SSC5D: variants seen among roughly 807,000 people sequenced by gnomAD.
SSC5D encodes soluble scavenger receptor cysteine-rich domain-containing protein SSC5D.
In SSC5D, 106 loss-of-function variants were observed where a neutral mutation model predicts 104.6. The observed-to-expected ratio is 1.01, with a 90% CI of 0.87 to 1.19. SSC5D has a LOEUF of 1.19. SSC5D is among the 50% of genes most tolerant of loss of function. The pLI is 0.00. For synonymous variants in SSC5D, 860 were observed against 883.5 expected (o/e 0.97, Z 0.47); for missense variants, 1,993 against 2,153.8 (o/e 0.93, Z 1.48).
chr19:55,504,429 C>A, intron 12 of SSC5D: 1 of 812,256 alleles, frequency 1.2e-6, no homozygotes. Flanking sequence ...GCATTCTTAG[C>A]TTCAGGAGCA....
rs776181504 is a variant in SSC5D at position 55,518,929 on chromosome 19, C to T, written c.4653C>T (p.Thr1551=). 1 of 1,550,378 alleles carries T rather than the reference C, an allele frequency of 6.5e-7. No homozygotes were observed. Among genetic ancestry groups the T allele is most frequent in the South Asian group, 1.2e-5 (1 of 84,066 alleles). ...AVKRLAEMAW[T]TSMPAPTTTT... is the part of the protein sequence containing the mutation. ...AGAGACTGGCAGAGATGGCCTGGAC[C>T]ACCAGCATGCCTGCACCAACCACCA... The change falls in exon 14 of 14, where the codon ACC becomes ACT. Residue 1551 remains threonine (T), a synonymous_variant. Transcript: ENST00000389623.
At chr19:55,499,199 G>A (rs1286004488) in intron 9 of SSC5D, among the ~76,000 whole-genome samples, 2 of 152,224 alleles carry the variant, frequency 1.3e-5, no homozygotes, top group African/African-American at 4.8e-5. Flanking sequence ...CAAAGGCTTC[G>A]AAGTCATCTC....
intron 8 of SSC5D, among the ~76,000 whole-genome samples, chr19:55,496,599 A>G (rs924180637): frequency 3.3e-5 from 5 of 152,192 alleles, no homozygotes; most frequent in African/African-American, 9.7e-5. Flanking sequence ...TGGTGTGGAT[A>G]CTGATAGGTC....
Position 55,497,554 on chromosome 19 carries a change from T to C in SSC5D, c.1388-326T>C, listed in dbSNP as rs543723020. On this transcript the variant is annotated intron_variant, in intron 8 of 13. Coordinates refer to ENST00000389623, the MANE Select transcript of SSC5D (RefSeq NM_001144950.2). ...AATGGTGCTGCTATGAACATTCACA[T>C]ACTGGTATCTGTGTGAATACCTGTT... Among the ~76,000 whole-genome samples the C allele has an allele frequency of 1.2e-4, 19 of 152,348 alleles. No individual in the cohort carries two copies. The South Asian group carries it at 3.7e-3, about 30-fold the overall frequency.
intron 8 of SSC5D, among the ~76,000 whole-genome samples, chr19:55,495,217 A>ATATATATATG (rs1491508453): frequency 7.8e-4 from 5 of 6,406 alleles, no homozygotes; most frequent in Admixed American, 3.7e-3. Context: ...GCCTCCTTTC[A>ATATATATATG]TATATATATA....
chr19:55,500,016 G>A lies in SSC5D; in HGVS notation c.1906G>A (p.Ala636Thr). 6.4e-7 allele frequency: 1 copy of A among 1,551,798 alleles called. No homozygotes were observed. The highest frequency in any genetic ancestry group is 8.7e-7 in the Non-Finnish European group (1 of 1,146,996). ...TACTAAGAAGTGGGTGACAAAAAAT[G>A]CAAAGAGACCAACCACTCAACCCCC... ...KSTKKWVTKN[A>T]KRPTTQPPVM... Residue 636 changes from alanine (A) to threonine (T), a missense_variant, in exon 10 of 14, where the codon GCA becomes ACA. Transcript: ENST00000389623. The surrounding 1 kb of genome is among the most constrained non-coding windows in gnomAD (Gnocchi z 4.6).
Position 55,489,461 on chromosome 19 carries a change from G to C in SSC5D, c.160G>C (p.Ala54Pro). 1.4e-6 allele frequency: 2 copies of C among 1,474,766 alleles called. No individual in the cohort carries two copies. The highest frequency in any genetic ancestry group is 1.8e-6 in the Non-Finnish European group (2 of 1,121,298). The allele number at this position is 1,474,766 out of a possible 1,614,324, so 91.4% of individuals were successfully genotyped here. A position where few individuals can be genotyped will look rare whatever the true frequency, so the allele number is the denominator to read the frequency against. Residue 54 changes from alanine (A) to proline (P), a missense_variant, in exon 3 of 14, where the codon GCC becomes CCC. Ala to Pro is a conservative substitution (Grantham distance 27). Coordinates refer to ENST00000389623, the MANE Select transcript of SSC5D (RefSeq NM_001144950.2). ...VCDDGWDLRDAAVACRQLGCG... is the reference protein window; with the variant it reads ...VCDDGWDLRDPAVACRQLGCG... ...TGATGACGGCTGGGACCTGCGCGAT[G>C]CCGCCGTGGCCTGCCGGCAGCTGGG...
chr19:55,502,345 C>G (rs1218161008), intron 12 of SSC5D, among the ~76,000 whole-genome samples: 1 of 152,094 alleles, frequency 6.6e-6, no homozygotes, highest in Non-Finnish European at 1.5e-5. Context: ...CTCTCTCTCA[C>G]CATCTTTCTC....
chr19:55,502,376 A>T (rs1599922588), intron 12 of SSC5D, among the ~76,000 whole-genome samples: 2 of 145,150 alleles, frequency 1.4e-5, no homozygotes, highest in Admixed American at 6.9e-5. Context: ...TTTCGTTGTC[A>T]GTTTCATATT....
chr19:55,517,318 T>C lies in SSC5D; in HGVS notation c.3042T>C (p.Ser1014=). Residue 1014 remains serine (S), a synonymous_variant, in exon 14 of 14, where the codon TCT becomes TCC. Transcript: ENST00000389623. ...PPTPSPGPSA[S]PGPPGPALTS... ...CCCCGTCCCCAGGTCCCTCCGCCTC[T>C]CCGGGACCCCCAGGCCCAGCGCTGA... is the stretch of plus-strand genomic sequence containing the variant. The C allele has an allele frequency of 6.5e-7, 1 of 1,549,614 alleles. No individual in the cohort carries two copies. Among genetic ancestry groups the C allele is most frequent in the African/African-American group, 1.4e-5 (1 of 72,968 alleles).
In SSC5D at chr19:55,517,257, C is replaced by T. The variant is rs1987892046; in HGVS notation, c.2981C>T (p.Pro994Leu). ...AGGAAACCGTGGCCCGAGCGCCGGC[C>T]ACCGCGGCCCGCTGCGACCAGGACA... ...SPRKPWPERR[P>L]PRPAATRTAP... Residue 994 changes from proline (P) to leucine (L), a missense_variant, in exon 14 of 14, where the codon CCA (proline) becomes CTA (leucine). Physicochemically the swap from Pro to Leu is moderately conservative, Grantham distance 98. Transcript: ENST00000389623. The T allele has an allele frequency of 1.3e-6, 2 of 1,543,258 alleles. No individual in the cohort carries two copies. The highest frequency in any genetic ancestry group is 2.4e-5 in the East Asian group (1 of 40,906).
intron 9 of SSC5D, among the ~76,000 whole-genome samples, chr19:55,498,768 T>A (rs868486853): frequency 1.4e-4 from 22 of 152,184 alleles, no homozygotes; most frequent in African/African-American, 5.1e-4. Context: ...CCTGTGTGAC[T>A]CGTTATAGTT....
chr19:55,508,361 G>A (rs1201206035), intron 12 of SSC5D, among the ~76,000 whole-genome samples: 1 of 152,170 alleles, frequency 6.6e-6, no homozygotes, highest in Non-Finnish European at 1.5e-5. Flanking sequence ...GTTGGATGAT[G>A]ATGAGGATAA....
At chr19:55,507,380 T>C (rs73608772) in intron 12 of SSC5D, among the ~76,000 whole-genome samples, 31,701 of 145,114 alleles carry the variant, frequency 0.22, 3,711 homozygotes, top group East Asian at 0.41. Context: ...TAAGAGACAT[T>C]TTACGGGCCG....
chr19:55,512,951 CG>C, intron 12 of SSC5D, 59 bp from the exon 13 acceptor site: 1 of 1,544,550 alleles, frequency 6.5e-7, no homozygotes, highest in Admixed American at 2.0e-5. Flanking sequence ...AGGAGAGAGA[CG>C]GGGAGTCAAA....
rs115667236 is a variant in SSC5D, at chr19:55,518,742, C to T, written c.4466C>T (p.Ala1489Val). 4.4e-4 allele frequency: 681 copies of T among 1,551,006 alleles called. 5 individuals are homozygous for T. In the African/African-American group the frequency reaches 8.5e-3, roughly 19 times the overall value. The change falls in exon 14 of 14, where the codon GCC (alanine) becomes GTC (valine). Residue 1489 changes from alanine (A) to valine (V), a missense_variant. Around this residue, in one of 6 missense-constraint regions of SSC5D, gnomAD observed 349 missense variants for 397.6 expected, o/e 0.88. Coordinates refer to ENST00000389623, the MANE Select transcript of SSC5D (RefSeq NM_001144950.2). ...AGGGTCATGGCTTGTGAGCCACCTG[C>T]CCTGGTGGAGCTGGTGGCTGCTGTG... ...PVRVMACEPP[A>V]LVELVAAVRD...
intron 9 of SSC5D, 138 bp downstream of exon 9, chr19:55,498,335 T>A: frequency 1.2e-6 from 1 of 848,712 alleles, no homozygotes; most frequent in Non-Finnish European, 1.8e-6. Context: ...ATAACCACAT[T>A]GAAATCACAT....
intron 12 of SSC5D, chr19:55,504,200 C>G: frequency 2.0e-6 from 3 of 1,533,254 alleles, no homozygotes; most frequent in Non-Finnish European, 2.6e-6. Flanking sequence ...ATAGCGCCCC[C>G]TCGTGGTGGA....
intron 12 of SSC5D, among the ~76,000 whole-genome samples, chr19:55,506,374 T>C (rs916188691): frequency 5.6e-4 from 1 of 1,770 alleles, no homozygotes; most frequent in Non-Finnish European, 7.8e-3. Context: ...GGAATTTGGA[T>C]TTTTTTTTTT....
Sources: allele counts gnomAD v4.1 joint callset (sites outside exome capture counted in the v4.1 genomes callset), GRCh38; gene constraint gnomAD v4.1.1; regional missense constraint gnomAD v4.1.1; non-coding constraint Gnocchi (gnomAD v3.1); transcripts MANE v1.5; gene names NCBI Gene and HGNC (gene_info 2026-07-23, HGNC 2026-07-21).